The following RIMS2 variants were observed in gnomAD, a reference collection of about 807,000 sequenced individuals.
RIMS2 encodes the protein regulating synaptic membrane exocytosis protein 2.
In RIMS2, 59 loss-of-function variants were observed where a neutral mutation model predicts 174.4. That is an observed-to-expected ratio of 0.34 (90% CI 0.27 to 0.42). The LOEUF is 0.42. RIMS2 is among the 10% of genes least tolerant of loss of function. The probability of loss-of-function intolerance (pLI) is 1.00; values close to 1 mark genes in which losing one functional copy is unlikely to be tolerated. For synonymous variants in RIMS2, 606 were observed against 572.5 expected, an observed-to-expected ratio of 1.06 and a Z score of -0.84; for missense variants, 1,620 against 1,666.3, an observed-to-expected ratio of 0.97 and a Z score of 0.48.
At chr8:103,684,224 C>T (rs1262305248) in intron 1 of RIMS2, among the ~76,000 whole-genome samples, 1 of 152,102 alleles carries the variant, frequency 6.6e-6, no homozygotes, top group African/African-American at 2.4e-5. Flanking sequence ...CACTCTACTC[C>T]AGCCCCTGGC....
At chr8:104,141,298 T>C (rs1413273229) in intron 19 of RIMS2, among the ~76,000 whole-genome samples, 4 of 152,200 alleles carry the variant, frequency 2.6e-5, no homozygotes, top group African/African-American at 9.6e-5. Context: ...TTCAATAATT[T>C]GGTAGAGAAT....
At chr8:103,998,288 G>T (rs771741663) in intron 17 of RIMS2, 2 of 1,386,634 alleles carry the variant, frequency 1.4e-6, no homozygotes, top group Admixed American at 1.7e-5. Context: ...TTGTGGAATT[G>T]CTTGTGCCTG....
At chr8:103,617,809 A>G (rs1008653833) in intron 1 of RIMS2, among the ~76,000 whole-genome samples, 25 of 152,182 alleles carry the variant, frequency 1.6e-4, no homozygotes, top group Admixed American at 6.5e-4. Flanking sequence ...ATGACATACC[A>G]CCTCACACCA....
At chr8:104,006,054 C>T (rs1446206181) in intron 17 of RIMS2, among the ~76,000 whole-genome samples, 1 of 152,032 alleles carries the variant, frequency 6.6e-6, no homozygotes, top group Admixed American at 6.6e-5. Context: ...ATCTTAATTT[C>T]TCTACATTAC....
At chr8:103,617,284 G>A (rs765029667) in intron 1 of RIMS2, among the ~76,000 whole-genome samples, 1 of 152,144 alleles carries the variant, frequency 6.6e-6, no homozygotes, top group Non-Finnish European at 1.5e-5. Context: ...TCAATAAATG[G>A]TGCTGGGTTA....
At chr8:103,858,972 G>A (rs1407578060) in intron 3 of RIMS2, among the ~76,000 whole-genome samples, 1 of 151,982 alleles carries the variant, frequency 6.6e-6, no homozygotes, top group Admixed American at 6.6e-5. Flanking sequence ...CATAGCAATA[G>A]ATATAGATAA....
chr8:103,846,536 A>G (rs1318918132), intron 3 of RIMS2, among the ~76,000 whole-genome samples: 1 of 152,118 alleles, frequency 6.6e-6, no homozygotes, highest in Non-Finnish European at 1.5e-5. Context: ...CTATCATTTG[A>G]GGTTCTTTCT....
At chr8:103,625,307 A>G (rs1473358214) in intron 1 of RIMS2, among the ~76,000 whole-genome samples, 28 of 152,184 alleles carry the variant, frequency 1.8e-4, no homozygotes, top group Non-Finnish European at 4.0e-4. Context: ...AGTACTGAAT[A>G]AGGTAGATAC....
intron 1 of RIMS2, among the ~76,000 whole-genome samples, chr8:103,603,161 A>C (rs13272222): frequency 0.19 from 20,675 of 106,220 alleles, 1,933 homozygotes; most frequent in African/African-American, 0.27. Context: ...CCCCACCCCA[A>C]CACAGTCCCC....
intron 19 of RIMS2, among the ~76,000 whole-genome samples, chr8:104,238,836 T>C (rs1269435434): frequency 1.3e-5 from 2 of 152,226 alleles, no homozygotes; most frequent in Non-Finnish European, 2.9e-5. Flanking sequence ...TAAATTATAC[T>C]CACTCTGAGA....
chr8:103,960,022 A>G (rs1000965865), intron 14 of RIMS2, among the ~76,000 whole-genome samples: 1 of 150,154 alleles, frequency 6.7e-6, no homozygotes, highest in Non-Finnish European at 1.5e-5. Context: ...ACTGAAGGAG[A>G]TAGAGACACA....
chr8:103,878,894 T>A (rs538666971), intron 3 of RIMS2, among the ~76,000 whole-genome samples: 20,068 of 151,644 alleles, frequency 0.13, 1,801 homozygotes, highest in Non-Finnish European at 0.2. Context: ...TCACAGAATC[T>A]TTTTGTTGTT....
At chr8:104,113,515 C>T (rs984553962) in intron 19 of RIMS2, among the ~76,000 whole-genome samples, 1 of 151,910 alleles carries the variant, frequency 6.6e-6, no homozygotes, top group African/African-American at 2.4e-5. Flanking sequence ...TTTGATTGAG[C>T]ATATATCTTA....
intron 19 of RIMS2, chr8:104,223,234 G>A (rs2099164074): frequency 1.0e-5 from 3 of 293,194 alleles, no homozygotes; most frequent in Non-Finnish European, 1.6e-5. Context: ...GGAGCCACCA[G>A]CCCACCGAGG....
intron 19 of RIMS2, 125 bp downstream of exon 24, chr8:104,093,768 C>T (rs540378710): frequency 1.6e-6 from 1 of 626,542 alleles, no homozygotes; most frequent in African/African-American, 1.9e-5. Context: ...GGGAGCTTAA[C>T]TTCAGTACAT....
intron 19 of RIMS2, among the ~76,000 whole-genome samples, chr8:104,062,344 C>T (rs1000787905): frequency 6.6e-6 from 1 of 152,074 alleles, no homozygotes; most frequent in Non-Finnish European, 1.5e-5. Flanking sequence ...GCAGAGTTTG[C>T]GGTGAGCCGA....
At chr8:104,103,976 T>C (rs1277732670) in intron 19 of RIMS2, among the ~76,000 whole-genome samples, 2 of 152,062 alleles carry the variant, frequency 1.3e-5, no homozygotes, top group African/African-American at 4.8e-5. Flanking sequence ...TATCTGAAGG[T>C]AGAGGACTGA....
intron 2 of RIMS2, among the ~76,000 whole-genome samples, chr8:103,703,005 A>G (rs1461801735): frequency 6.8e-6 from 1 of 147,076 alleles, no homozygotes; most frequent in Non-Finnish European, 1.5e-5. Flanking sequence ...TTTTTGAGAC[A>G]AGATCTCAGT....
At chr8:103,754,791 C>T (rs115727568) in intron 2 of RIMS2, among the ~76,000 whole-genome samples, 1,668 of 152,176 alleles carry the variant, frequency 0.011, 46 homozygotes, top group African/African-American at 0.039. Flanking sequence ...GGTAGATCTT[C>T]CTCTATCCCT....
Sources: gnomAD v4.1 joint callset for allele counts (sites outside exome capture counted in the v4.1 genomes callset) on GRCh38, gnomAD v4.1.1 for gene constraint, MANE v1.5 for transcripts, NCBI Gene and HGNC (gene_info 2026-07-23, HGNC 2026-07-21) for gene names.